The following PRKN variants were observed in gnomAD, a reference collection of about 807,000 sequenced individuals.
PRKN encodes parkin RBR E3 ubiquitin protein ligase, also known as E3 ubiquitin-protein ligase parkin.
PRKN carries 56 observed loss-of-function variants against 59.5 expected under a neutral mutation model. The observed-to-expected ratio is 0.94, with a 90% CI of 0.76 to 1.18. The LOEUF (loss-of-function observed/expected upper bound fraction) is 1.18, where lower values mean the gene tolerates loss of function less well. Among genes scored for constraint, PRKN ranks in the 50% most tolerant of loss-of-function variants. The pLI is 0.00. For synonymous variants in PRKN, 250 were observed against 222.1 expected (o/e 1.13, Z -1.12); for missense variants, 657 against 596.4 (o/e 1.10, Z -1.06).
intron 1 of PRKN, among the ~76,000 whole-genome samples, chr6:162,557,874 A>T (rs1414398521): frequency 6.6e-6 from 1 of 152,172 alleles, no homozygotes; most frequent in Non-Finnish European, 1.5e-5. Flanking sequence ...CACCTCAAAG[A>T]TGCTACTGCA....
chr6:161,921,792 T>C (rs1403231826), intron 6 of PRKN, among the ~76,000 whole-genome samples: 1 of 152,208 alleles, frequency 6.6e-6, no homozygotes, highest in Admixed American at 6.5e-5. Flanking sequence ...AGCCAGTCAC[T>C]GTGTTGAAAT....
At position 161,442,208 on chromosome 6, in the gene PRKN, A is replaced by C. The variant is rs1330589018; in HGVS notation, c.1084-55331T>G. Among the ~76,000 whole-genome samples the C allele has an allele frequency of 6.6e-6, 1 of 152,236 alleles. No homozygotes were observed. Among genetic ancestry groups the C allele is most frequent in the Non-Finnish European group, 1.5e-5 (1 of 68,038 alleles). On this transcript the variant is annotated intron_variant, in intron 9 of 11. Coordinates refer to ENST00000366898, the MANE Select transcript of PRKN (RefSeq NM_004562.3). This position sits in a 1 kb window ranked among gnomAD's most constrained non-coding sequence, Gnocchi z 4.6. ...TCAGAAAGATTTTTAATCATCTTTA[A>C]GTAAACTTCAATTTCTCTGAAATTG...
Position 162,486,111 on chromosome 6 carries a change from C to T in PRKN, c.8-42638G>A, listed in dbSNP as rs529786968. On this transcript the variant is annotated intron_variant, in intron 1 of 11. Transcript: ENST00000366898. Reference sequence around the variant, plus strand: ...TACACTTTAAAAATGAAAGTGACTCCCCTCTCCACCCAACCCCCTCCTAAT... The same window carrying T: ...TACACTTTAAAAATGAAAGTGACTCTCCTCTCCACCCAACCCCCTCCTAAT... 1.9e-4 allele frequency among the ~76,000 whole-genome samples: 29 copies of T among 152,060 alleles called. No homozygotes were observed. In the South Asian group the frequency reaches 5.8e-3, roughly 31 times the overall value.
chr6:161,605,514 CTTT>C (rs71704943), intron 7 of PRKN, among the ~76,000 whole-genome samples: 3 of 142,656 alleles, frequency 2.1e-5, no homozygotes, highest in Non-Finnish European at 3.1e-5. Flanking sequence ...TGCCCTCTCT[CTTT>C]TTTTTTTTTT....
intron 7 of PRKN, among the ~76,000 whole-genome samples, chr6:161,687,944 G>A (rs1215653217): frequency 1.3e-5 from 2 of 152,024 alleles, no homozygotes; most frequent in Non-Finnish European, 2.9e-5. Context: ...ACTTTCCTTA[G>A]GTTCCCTGCT....
chr6:162,162,957 G>A (rs1413504376), intron 4 of PRKN, among the ~76,000 whole-genome samples: 1 of 148,836 alleles, frequency 6.7e-6, no homozygotes, highest in Non-Finnish European at 1.5e-5. Flanking sequence ...GCAGTGAGCC[G>A]AGATCGTGCC....
At chr6:162,553,710 G>A (rs1779424333) in intron 1 of PRKN, among the ~76,000 whole-genome samples, 1 of 149,308 alleles carries the variant, frequency 6.7e-6, no homozygotes, top group South Asian at 2.1e-4. Context: ...GGCTGAGGCA[G>A]GAGAATCTCT....
intron 9 of PRKN, among the ~76,000 whole-genome samples, chr6:161,420,114 T>G (rs1221205039): frequency 4.0e-5 from 6 of 151,866 alleles, no homozygotes; most frequent in Admixed American, 3.9e-4. Context: ...AGCACGTGCC[T>G]GTAGTCCCAG....
intron 1 of PRKN, among the ~76,000 whole-genome samples, chr6:162,584,587 T>C (rs1188732931): frequency 6.6e-6 from 1 of 152,068 alleles, no homozygotes; most frequent in Non-Finnish European, 1.5e-5. Flanking sequence ...AATTCATTAA[T>C]TTATGCTTGT....
intron 2 of PRKN, among the ~76,000 whole-genome samples, chr6:162,401,413 T>C (rs1350100813): frequency 6.6e-6 from 1 of 152,160 alleles, no homozygotes; most frequent in Non-Finnish European, 1.5e-5. Flanking sequence ...CATTTAACTA[T>C]GGCATATCAT....
At chr6:162,347,117 T>C (rs1452059023) in intron 2 of PRKN, among the ~76,000 whole-genome samples, 1 of 151,000 alleles carries the variant, frequency 6.6e-6, no homozygotes, top group African/African-American at 2.4e-5. Context: ...TTATTTTATT[T>C]TTTTCTTTGT....
chr6:162,359,355 G>T (rs1785031254), intron 2 of PRKN, among the ~76,000 whole-genome samples: 1 of 151,706 alleles, frequency 6.6e-6, no homozygotes, highest in Non-Finnish European at 1.5e-5. Flanking sequence ...GCCCTAACAT[G>T]GCCAATTCAT....
intron 2 of PRKN, among the ~76,000 whole-genome samples, chr6:162,397,122 A>T (rs1380478537): frequency 6.6e-6 from 1 of 152,200 alleles, no homozygotes; most frequent in Non-Finnish European, 1.5e-5. Flanking sequence ...TAACTGATAG[A>T]ATGTAAGCCT....
In PRKN at chr6:162,205,737, T is replaced by C. The variant is rs1424890640; in HGVS notation, c.413-4485A>G. ...ATTTGCACTATCTCATATTAATATA[T>C]ACACACACAGACACACACACACACG... is the stretch of plus-strand genomic sequence containing the variant. On this transcript the variant is annotated intron_variant, in intron 3 of 11. Coordinates refer to ENST00000366898, the MANE Select transcript of PRKN (RefSeq NM_004562.3). 6.3e-5 allele frequency among the ~76,000 whole-genome samples: 9 copies of C among 142,114 alleles called. 1 individual carries two copies. Among genetic ancestry groups the C allele is most frequent in the Admixed American group, 6.3e-4 (9 of 14,246 alleles). The allele number at this position is 142,114 out of a possible 152,430, so 93.2% of individuals were successfully genotyped here. A position where few individuals can be genotyped will look rare whatever the true frequency, so the allele number is the denominator to read the frequency against.
intron 7 of PRKN, among the ~76,000 whole-genome samples, chr6:161,692,123 C>T (rs1457180008): frequency 6.6e-6 from 1 of 152,150 alleles, no homozygotes; most frequent in Non-Finnish European, 1.5e-5. Flanking sequence ...ACTTGAATAT[C>T]GGTGTGGGTT....
chr6:161,406,915 C>T (rs781553242), intron 9 of PRKN, among the ~76,000 whole-genome samples: 3 of 152,086 alleles, frequency 2.0e-5, no homozygotes, highest in Middle Eastern at 3.2e-3. Flanking sequence ...TGAAGAGGAG[C>T]GTCTCGGCAC....
intron 7 of PRKN, among the ~76,000 whole-genome samples, chr6:161,614,076 C>A (rs770732892): frequency 6.6e-6 from 1 of 152,174 alleles, no homozygotes; most frequent in Non-Finnish European, 1.5e-5. Context: ...TGCTTCACAG[C>A]CAGCAGGGGT....
intron 5 of PRKN, among the ~76,000 whole-genome samples, chr6:162,029,719 A>T (rs1474813241): frequency 2.0e-5 from 3 of 152,190 alleles, no homozygotes; most frequent in African/African-American, 7.2e-5. Context: ...GTCCTGGATT[A>T]TCTTGGGCAT....
At chr6:161,852,358 C>T (rs1017178957) in intron 6 of PRKN, among the ~76,000 whole-genome samples, 3 of 151,916 alleles carry the variant, frequency 2.0e-5, no homozygotes, top group Non-Finnish European at 2.9e-5. Context: ...GAGTTGGAGG[C>T]GGGAGGATCA....
Sources: gnomAD v4.1 joint callset for allele counts (sites outside exome capture counted in the v4.1 genomes callset) on GRCh38, gnomAD v4.1.1 for gene constraint, Gnocchi (gnomAD v3.1) non-coding constraint, MANE v1.5 for transcripts, NCBI Gene and HGNC (gene_info 2026-07-23, HGNC 2026-07-21) for gene names.